KCNK3: variants seen among roughly 807,000 people sequenced by gnomAD.
KCNK3 encodes the protein potassium two pore domain channel subfamily K member 3, also known as potassium channel subfamily K member 3.
KCNK3 carries 9 observed loss-of-function variants against 27.3 expected under a neutral mutation model. The observed-to-expected ratio is 0.33, with a 90% CI of 0.20 to 0.57. The LOEUF (loss-of-function observed/expected upper bound fraction) is 0.57, where lower values mean the gene tolerates loss of function less well. Among genes scored for constraint, KCNK3 ranks in the 20% least tolerant of loss-of-function variants. The pLI is 0.87. For synonymous variants in KCNK3, 278 were observed against 273.8 expected (o/e 1.02, Z -0.15); for missense variants, 391 against 577.7 (o/e 0.68, Z 3.31).
intron 1 of KCNK3, among the ~76,000 whole-genome samples, chr2:26,716,266 T>A (rs1008054348): frequency 3.4e-4 from 51 of 152,162 alleles, no homozygotes; most frequent in Non-Finnish European, 5.7e-4. Flanking sequence ...AAAATAGGAA[T>A]AATAGCACCT....
intron 1 of KCNK3, 139 bp from the exon 2 acceptor site, chr2:26,727,528 G>T: frequency 9.0e-7 from 1 of 1,110,138 alleles, no homozygotes; most frequent in Non-Finnish European, 1.3e-6. Context: ...ACAGTGCGTG[G>T]GGATAAGGAG....
intron 1 of KCNK3, among the ~76,000 whole-genome samples, chr2:26,699,367 C>T (rs1242736641): frequency 6.6e-6 from 1 of 152,014 alleles, no homozygotes; most frequent in Non-Finnish European, 1.5e-5. Context: ...CACGCATTAC[C>T]GTTAGGGGCT....
rs544548505 is a variant in KCNK3 at position 26,732,800 on chromosome 2, T to C, written c.*4232T>C. 1 of 152,384 alleles carries C rather than the reference T, an allele frequency of 6.6e-6. No individual in the cohort carries two copies. The highest frequency in any genetic ancestry group is 1.9e-4 in the East Asian group (1 of 5,190). 9.4% of individuals were successfully genotyped at this position (152,384 alleles called of 1,614,324 possible). ...GGCAATGACCAGTTCAAGGTGACTC[T>C]TATTTTCTTAAGCAGTGCTTGCAGG... On this transcript the variant is annotated 3_prime_UTR_variant, in exon 2 of 2. Transcript: ENST00000302909.
intron 1 of KCNK3, among the ~76,000 whole-genome samples, chr2:26,725,585 C>T (rs999248025): frequency 6.6e-6 from 1 of 152,152 alleles, no homozygotes; most frequent in Non-Finnish European, 1.5e-5. Context: ...GCCCAGTTGT[C>T]GAGGTGAGTT....
chr2:26,708,610 C>A (rs1001005763), intron 1 of KCNK3, among the ~76,000 whole-genome samples: 1 of 152,010 alleles, frequency 6.6e-6, no homozygotes, highest in Non-Finnish European at 1.5e-5. Context: ...ACCTGGGAGG[C>A]GGAGGTTGCA....
intron 1 of KCNK3, among the ~76,000 whole-genome samples, chr2:26,702,917 A>G (rs1670328051): frequency 6.6e-6 from 1 of 152,066 alleles, no homozygotes; most frequent in Non-Finnish European, 1.5e-5. Context: ...GGAGTTCAAG[A>G]CCAGCCTGGC....
intron 1 of KCNK3, among the ~76,000 whole-genome samples, chr2:26,708,920 G>A (rs955327103): frequency 1.3e-5 from 2 of 152,154 alleles, no homozygotes; most frequent in Non-Finnish European, 2.9e-5. Flanking sequence ...CTGGACCAGC[G>A]TGGTGGTGGT....
At position 26,727,863 on chromosome 2, in the gene KCNK3, G is replaced by T. The variant is rs1359969792; in HGVS notation, c.480G>T (p.Val160=). 4 of 1,614,150 alleles carry T rather than the reference G, an allele frequency of 2.5e-6. No individual in the cohort carries two copies. Among genetic ancestry groups the T allele is most frequent in the Non-Finnish European group, 3.4e-6 (4 of 1,179,998 alleles). The part of the protein sequence containing the change: ...RRADVSMANM[V]LIGFFSCIST... The stretch of plus-strand genomic sequence containing the variant: ...CCGACGTGTCCATGGCCAACATGGT[G>T]CTCATCGGCTTCTTCTCGTGCATCA... Residue 160 remains valine (V), a synonymous_variant, in exon 2 of 2, where the codon GTG becomes GTT. Transcript: ENST00000302909.
At chr2:26,701,679 T>C (rs1670309707) in intron 1 of KCNK3, among the ~76,000 whole-genome samples, 1 of 152,244 alleles carries the variant, frequency 6.6e-6, no homozygotes, top group African/African-American at 2.4e-5. Flanking sequence ...CAGTGGCTCA[T>C]GCCTGTGATC....
At chr2:26,726,135 A>G (rs1294381750) in intron 1 of KCNK3, among the ~76,000 whole-genome samples, 2 of 151,990 alleles carry the variant, frequency 1.3e-5, no homozygotes, top group Non-Finnish European at 2.9e-5. Flanking sequence ...AGAGAGAGAG[A>G]GAGAGAGACA....
intron 1 of KCNK3, among the ~76,000 whole-genome samples, chr2:26,726,459 T>G (rs1378115683): frequency 4.6e-5 from 7 of 152,290 alleles, no homozygotes; most frequent in Admixed American, 1.3e-4. Context: ...AACATTTGGT[T>G]AAGATTTGAT....
intron 1 of KCNK3, among the ~76,000 whole-genome samples, chr2:26,706,403 C>A (rs1334063105): frequency 6.6e-6 from 1 of 152,118 alleles, no homozygotes; most frequent in Non-Finnish European, 1.5e-5. Flanking sequence ...CTCAAACAAC[C>A]CCAGGGAAGG....
intron 1 of KCNK3, among the ~76,000 whole-genome samples, chr2:26,717,208 C>T (rs546029313): frequency 1.7e-4 from 26 of 152,168 alleles, no homozygotes; most frequent in African/African-American, 2.7e-4. Flanking sequence ...CTCTGGGCCC[C>T]GCCCTGCCCC....
chr2:26,700,625 G>C (rs1236091140), intron 1 of KCNK3, among the ~76,000 whole-genome samples: 1 of 152,196 alleles, frequency 6.6e-6, no homozygotes, highest in Non-Finnish European at 1.5e-5. Flanking sequence ...GGGCCATGTG[G>C]CTGCCAGGAA....
chr2:26,710,292 G>A (rs77052368), intron 1 of KCNK3, among the ~76,000 whole-genome samples: 6,073 of 152,308 alleles, frequency 0.04, 149 homozygotes, highest in South Asian at 0.1. Flanking sequence ...AGATGCAAGC[G>A]CACAGTCCAT....
chr2:26,727,575 G>A (rs1663444845), intron 1 of KCNK3, 92 bp from the exon 2 acceptor site: 2 of 1,492,526 alleles, frequency 1.3e-6, no homozygotes, highest in Non-Finnish European at 1.8e-6. Flanking sequence ...CAAGGTGGGG[G>A]AGGTGGCGGG....
At chr2:26,701,666 G>A (rs1670309462) in intron 1 of KCNK3, among the ~76,000 whole-genome samples, 1 of 152,208 alleles carries the variant, frequency 6.6e-6, no homozygotes, top group African/African-American at 2.4e-5. Flanking sequence ...ATTTTGCCTG[G>A]CGCAGTGGCT....
intron 1 of KCNK3, among the ~76,000 whole-genome samples, chr2:26,700,714 TTCATCA>T (rs911805750): frequency 6.5e-5 from 9 of 137,988 alleles, no homozygotes; most frequent in Non-Finnish European, 1.4e-4. Flanking sequence ...CTTCTCCCTC[TTCATCA>T]TCATCATCAC....
chr2:26,699,207 G>GAGAAAGAAAGACAGAAAGAA (rs1553384398), intron 1 of KCNK3, among the ~76,000 whole-genome samples: 14 of 130,966 alleles, frequency 1.1e-4, no homozygotes, highest in African/African-American at 4.0e-4. Context: ...AGGAAAGAGA[G>GAGAAAGAAAGACAGAAAGAA]AGAAAGAAAG....
Sources: allele counts gnomAD v4.1 joint callset (sites outside exome capture counted in the v4.1 genomes callset), GRCh38; gene constraint gnomAD v4.1.1; transcripts MANE v1.5; gene names NCBI Gene and HGNC (gene_info 2026-07-23, HGNC 2026-07-21).